POU6F2: variants seen among roughly 807,000 people sequenced by gnomAD.
The protein encoded by POU6F2 is POU class 6 homeobox 2.
POU6F2 carries 31 observed loss-of-function variants against 71.3 expected under a neutral mutation model. The observed-to-expected ratio is 0.43, with a 90% CI of 0.33 to 0.59. POU6F2 has a LOEUF of 0.59. Ranked by LOEUF, POU6F2 falls within the 20% of genes least tolerant of loss-of-function variation. The pLI is 0.04. For synonymous variants in POU6F2, 347 were observed against 355.7 expected, an observed-to-expected ratio of 0.98 and a Z score of 0.27; for missense variants, 783 against 856.8, an observed-to-expected ratio of 0.91 and a Z score of 1.07.
intron 4 of POU6F2, among the ~76,000 whole-genome samples, chr7:39,303,680 C>T (rs899567375): frequency 6.6e-6 from 1 of 152,154 alleles, no homozygotes; most frequent in Non-Finnish European, 1.5e-5. Context: ...TTAGTACCAA[C>T]TATGACAGGT....
At chr7:39,091,011 G>A (rs1262216724) in intron 2 of POU6F2, among the ~76,000 whole-genome samples, 1 of 149,618 alleles carries the variant, frequency 6.7e-6, no homozygotes, top group African/African-American at 2.4e-5. Context: ...ATGCACTGGG[G>A]TATTTTTAAA....
chr7:39,248,143 G>A (rs1427776688), intron 4 of POU6F2, among the ~76,000 whole-genome samples: 1 of 152,102 alleles, frequency 6.6e-6, no homozygotes, highest in Non-Finnish European at 1.5e-5. Flanking sequence ...ACTACTCTGG[G>A]AGAAGTGGAC....
At chr7:39,187,796 G>A (rs898486401) in intron 2 of POU6F2, among the ~76,000 whole-genome samples, 6 of 152,180 alleles carry the variant, frequency 3.9e-5, no homozygotes, top group African/African-American at 7.2e-5. Context: ...TCGGAACACC[G>A]GATACAAGCT....
intron 7 of POU6F2, among the ~76,000 whole-genome samples, chr7:39,439,906 G>C (rs993337911): frequency 6.6e-6 from 1 of 152,080 alleles, no homozygotes; most frequent in Non-Finnish European, 1.5e-5. Flanking sequence ...GCATTTGCTT[G>C]TCTGGAAATG....
At chr7:39,086,379 C>T (rs890856068) in intron 2 of POU6F2, among the ~76,000 whole-genome samples, 3 of 152,072 alleles carry the variant, frequency 2.0e-5, no homozygotes, top group Admixed American at 6.6e-5. Flanking sequence ...AATATCGACT[C>T]GGTTTCAGGT....
At chr7:39,197,712 T>C (rs1426959532) in intron 2 of POU6F2, among the ~76,000 whole-genome samples, 1 of 152,208 alleles carries the variant, frequency 6.6e-6, no homozygotes, top group Non-Finnish European at 1.5e-5. Flanking sequence ...TAAAAAGGCA[T>C]TTTAAAAATC....
intron 2 of POU6F2, among the ~76,000 whole-genome samples, chr7:39,106,212 G>GAC (rs1791682979): frequency 6.6e-6 from 1 of 152,164 alleles, no homozygotes; most frequent in Non-Finnish European, 1.5e-5. Context: ...GTCATTTACA[G>GAC]AAACTCCATG....
At chr7:39,408,213 C>G (rs1787481791) in intron 6 of POU6F2, among the ~76,000 whole-genome samples, 1 of 152,222 alleles carries the variant, frequency 6.6e-6, no homozygotes, top group East Asian at 1.9e-4. Flanking sequence ...GGGAGCTGGC[C>G]CTTGAGATGT....
intron 2 of POU6F2, among the ~76,000 whole-genome samples, chr7:39,174,010 T>C (rs535204845): frequency 2.3e-4 from 35 of 152,342 alleles, no homozygotes; most frequent in Admixed American, 7.2e-4. Context: ...GGCAGAGATT[T>C]CTGAGCCAGA....
chr7:39,026,517 G>A (rs974744795), intron 1 of POU6F2, among the ~76,000 whole-genome samples: 5 of 151,908 alleles, frequency 3.3e-5, no homozygotes, highest in East Asian at 1.9e-4. Flanking sequence ...ACCAAACACC[G>A]CATGTTCTCA....
intron 1 of POU6F2, among the ~76,000 whole-genome samples, chr7:39,066,701 A>G (rs2128717147): frequency 6.6e-6 from 1 of 151,308 alleles, no homozygotes; most frequent in South Asian, 2.1e-4. Flanking sequence ...ACTGAATATT[A>G]TAAAGATGAC....
At chr7:39,011,674 T>C (rs1789289313) in intron 1 of POU6F2, among the ~76,000 whole-genome samples, 1 of 151,224 alleles carries the variant, frequency 6.6e-6, no homozygotes, top group African/African-American at 2.4e-5. Flanking sequence ...GTTGTTCCTT[T>C]CCATGTTTAG....
At chr7:39,129,802 G>C (rs991977715) in intron 2 of POU6F2, among the ~76,000 whole-genome samples, 2 of 151,958 alleles carry the variant, frequency 1.3e-5, no homozygotes, top group Non-Finnish European at 2.9e-5. Flanking sequence ...TGTGGCTCAC[G>C]CCTGGGATCC....
intron 8 of POU6F2, among the ~76,000 whole-genome samples, chr7:39,452,601 A>G (rs1051737044): frequency 3.9e-5 from 6 of 152,264 alleles, no homozygotes; most frequent in African/African-American, 1.4e-4. Context: ...CAGGAACAGT[A>G]GGATCCTCAC....
rs546562317 is a variant in POU6F2, at chr7:39,110,279, A to G, written c.277+24248A>G. ...GCGAAACTCCGTCTCAAAAAAAAAA[A>G]AAAAAAATGAATTAAATTATATAAT... On this transcript the variant is annotated intron_variant, in intron 2 of 9. Transcript: ENST00000518318. Among the ~76,000 whole-genome samples, 190 of 151,186 alleles carry G rather than the reference A, an allele frequency of 1.3e-3. 3 individuals carry two copies. The South Asian group carries it at 0.022, about 18-fold the overall frequency.
chr7:39,390,698 A>C (rs975579540), intron 5 of POU6F2, among the ~76,000 whole-genome samples: 5 of 152,212 alleles, frequency 3.3e-5, no homozygotes, highest in Non-Finnish European at 7.3e-5. Flanking sequence ...ACAAAGTAAT[A>C]CATGACCCAG....
intron 4 of POU6F2, among the ~76,000 whole-genome samples, chr7:39,284,785 G>C (rs1351293304): frequency 1.3e-5 from 2 of 152,156 alleles, no homozygotes; most frequent in Non-Finnish European, 2.9e-5. Context: ...CCTAATTCAA[G>C]TTAAATTCAG....
chr7:39,344,949 A>G (rs1266653596), intron 5 of POU6F2, among the ~76,000 whole-genome samples: 1 of 152,204 alleles, frequency 6.6e-6, no homozygotes, highest in East Asian at 1.9e-4. Flanking sequence ...GACTGAGATG[A>G]TGGTGAGGCT....
intron 2 of POU6F2, among the ~76,000 whole-genome samples, chr7:39,160,914 G>A (rs1044114400): frequency 1.3e-5 from 2 of 152,114 alleles, no homozygotes; most frequent in Non-Finnish European, 2.9e-5. Context: ...CAAACACAGT[G>A]TTTTGCACAT....
Sources: allele counts gnomAD v4.1 joint callset (sites outside exome capture counted in the v4.1 genomes callset), GRCh38; gene constraint gnomAD v4.1.1; transcripts MANE v1.5; gene names NCBI Gene and HGNC (gene_info 2026-07-23, HGNC 2026-07-21).